SIN3B: variants seen among roughly 807,000 people sequenced by gnomAD.
SIN3B encodes the protein SIN3 transcription regulator family member B.
Under a neutral mutation model 120.2 loss-of-function variants are expected in SIN3B, and 19 were observed. The ratio of observed to expected loss-of-function variants is 0.16; its 90% CI spans 0.11 to 0.23. The LOEUF (loss-of-function observed/expected upper bound fraction) is 0.23, where lower values mean the gene tolerates loss of function less well. SIN3B is among the 10% of genes least tolerant of loss of function. The pLI, the probability that SIN3B is intolerant of heterozygous loss-of-function variation, is 1.00. For missense variants in SIN3B, 1,073 were observed against 1,573.0 expected (o/e 0.68, Z 5.38); for synonymous variants, 654 against 653.2 (o/e 1.00, Z -0.02).
intron 8 of SIN3B, among the ~76,000 whole-genome samples, chr19:16,860,227 G>A (rs914089852): frequency 4.5e-4 from 68 of 152,332 alleles, no homozygotes; most frequent in African/African-American, 1.5e-3. Context: ...GCGTTCCTCC[G>A]CGTGTTCAAC....
rs2051637882 is a variant in SIN3B at position 16,878,252 on chromosome 19, C to T, written c.3024C>T (p.Ser1008=). The T allele has an allele frequency of 2.5e-6, 4 of 1,600,716 alleles. No individual in the cohort carries two copies. The highest frequency in any genetic ancestry group is 3.4e-6 in the Non-Finnish European group (4 of 1,173,972). The stretch of plus-strand genomic sequence containing the variant: ...GGGCCCTGCGCGGTGAGGCCAGGAG[C>T]TCCTGGAAGCGGCTGGTGGGCGTGG... ...QARALRGEAR[S]SWKRLVGVES... Residue 1008 remains serine, a synonymous_variant, in exon 18 of 19, where the codon AGC becomes AGT. Transcript: ENST00000248054.
chr19:16,862,613 C>T lies in SIN3B; in HGVS notation c.1266+54C>T. 6.8e-7 allele frequency: 1 copy of T among 1,461,890 alleles called. No homozygotes were observed. Among genetic ancestry groups the T allele is most frequent in the Admixed American group, 1.8e-5 (1 of 56,692 alleles). The allele number at this position is 1,461,890 out of a possible 1,614,324, so 90.6% of individuals were successfully genotyped here. ...TTGACATGGTGCATCCCCCACCCCT[C>T]CCCAGCAAACACCCGATACCCCCGT... On this transcript the variant is annotated intron_variant, in intron 9 of 18. Coordinates refer to ENST00000248054, the MANE Select transcript of SIN3B (RefSeq NM_001297595.2). This position sits in a 1 kb window ranked among gnomAD's most constrained non-coding sequence, Gnocchi z 4.7.
chr19:16,877,247 G>A (rs746696258), intron 16 of SIN3B: 7 of 421,384 alleles, frequency 1.7e-5, no homozygotes, highest in African/African-American at 8.1e-5. Flanking sequence ...TGGGCCGGGC[G>A]GTGCTCCTGC....
Position 16,878,328 on chromosome 19 carries a change from G to A in SIN3B, c.3100G>A (p.Val1034Met). 1 of 1,612,474 alleles carries A rather than the reference G, an allele frequency of 6.2e-7. No homozygotes were observed. The highest frequency in any genetic ancestry group is 1.1e-5 in the South Asian group (1 of 90,882). ...CTTCAAGCTCAGCACTCACAAGATG[G>A]TGTTCATCGTGAACTCCGAGGACTA... ...CRFKLSTHKM[V>M]FIVNSEDYMY... Residue 1034 changes from valine to methionine, a missense_variant, in exon 18 of 19, where the codon GTG becomes ATG. This residue lies in a region of SIN3B where 311 missense variants were observed against 400.3 expected (regional missense o/e 0.78). Coordinates refer to ENST00000248054, the MANE Select transcript of SIN3B (RefSeq NM_001297595.2).
At chr19:16,856,569 G>A (rs977035690) in intron 8 of SIN3B, among the ~76,000 whole-genome samples, 3 of 151,800 alleles carry the variant, frequency 2.0e-5, no homozygotes, top group South Asian at 4.2e-4. Flanking sequence ...AAAAATACAC[G>A]TGAAGATTTT....
chr19:16,879,415 T>C lies in SIN3B; in HGVS notation c.*688T>C, dbSNP rs2051663051. On this transcript the variant is annotated 3_prime_UTR_variant, in exon 19 of 19. Coordinates refer to ENST00000248054, the MANE Select transcript of SIN3B (RefSeq NM_001297595.2). ...CCAACCCCAACTCCAGCAGCTGGAC[T>C]CTGGGCCCACAAGGGGAGGGACCCC... 1 of 152,300 alleles carries C rather than the reference T, an allele frequency of 6.6e-6. No individual in the cohort carries two copies. The highest frequency in any genetic ancestry group is 1.5e-5 in the Non-Finnish European group (1 of 68,186). The allele number at this position is 152,300 out of a possible 1,614,324, so 9.4% of individuals were successfully genotyped here.
chr19:16,877,487 A>G, intron 16 of SIN3B, 58 bp from the exon 17 acceptor site: 3 of 1,288,454 alleles, frequency 2.3e-6, no homozygotes, highest in Non-Finnish European at 3.3e-6. Context: ...GTCCAGAGTA[A>G]GAGTGGCCAT....
chr19:16,860,173 T>C (rs1274041308), intron 8 of SIN3B, among the ~76,000 whole-genome samples: 1 of 152,186 alleles, frequency 6.6e-6, no homozygotes, highest in African/African-American at 2.4e-5. Flanking sequence ...CTGCGTGTGC[T>C]TGACACGAGG....
At chr19:16,851,327 G>C in intron 5 of SIN3B, 85 bp from the exon 6 acceptor site, 1 of 1,459,556 alleles carries the variant, frequency 6.9e-7, no homozygotes, top group Non-Finnish European at 9.1e-7. Flanking sequence ...CGGGCTGTGG[G>C]CTGAGCTGGA....
At chr19:16,853,201 A>G (rs762165622) in intron 7 of SIN3B, 43 bp downstream of exon 7, 16 of 1,583,896 alleles carry the variant, frequency 1.0e-5, no homozygotes, top group African/African-American at 2.7e-5. Context: ...TGCCATGTCC[A>G]GCTGGCTGGG....
intron 8 of SIN3B, among the ~76,000 whole-genome samples, chr19:16,859,648 T>C (rs532298166): frequency 6.6e-6 from 1 of 152,254 alleles, no homozygotes; most frequent in South Asian, 2.1e-4. Context: ...CAGAGCAGGA[T>C]GGTGTTACTC....
At chr19:16,841,663 G>T in intron 3 of SIN3B, 105 bp from the exon 4 acceptor site, 1 of 1,083,984 alleles carries the variant, frequency 9.2e-7, no homozygotes, top group Non-Finnish European at 1.4e-6. Context: ...GCTTGGCTCC[G>T]TGCTGAGTTT....
chr19:16,864,243 G>A (rs962265491), intron 10 of SIN3B, among the ~76,000 whole-genome samples: 2 of 151,760 alleles, frequency 1.3e-5, no homozygotes, highest in South Asian at 2.1e-4. Context: ...GCAGTGAGCC[G>A]AGATCACACC....
At position 16,865,399 on chromosome 19, in the gene SIN3B, C is replaced by T; in HGVS notation, c.1384-11C>T. On this transcript the variant is annotated splice_polypyrimidine_tract_variant and intron_variant, in intron 10 of 18. Coordinates refer to ENST00000248054, the MANE Select transcript of SIN3B (RefSeq NM_001297595.2). The stretch of plus-strand genomic sequence containing the variant: ...CCAGTGGCTGACCCCGTCCTGCCTT[C>T]CTTTCCATAGTTAGACGTTGTCCTG... The T allele has an allele frequency of 6.4e-7, 1 of 1,573,300 alleles. No homozygotes were observed. The highest frequency in any genetic ancestry group is 2.3e-5 in the East Asian group (1 of 43,036).
intron 3 of SIN3B, among the ~76,000 whole-genome samples, chr19:16,841,221 G>A (rs536050115): frequency 2.6e-5 from 4 of 152,224 alleles, no homozygotes; most frequent in Admixed American, 6.5e-5. Context: ...CCAAGCGACC[G>A]ATGCACCTTA....
rs758231618 is a variant in SIN3B at position 16,871,353 on chromosome 19, C to T, written c.2547C>T (p.Tyr849=). The change falls in exon 14 of 19, where the codon TAC becomes TAT. Residue 849 remains tyrosine (Y), a synonymous_variant. Transcript: ENST00000248054. ...GCGAGATGTTCACCATCCATGCCTA[C>T]GTGGGCTTCACCATGGACAAGCTGG... ...TLREMFTIHA[Y]VGFTMDKLVQ... is the part of the protein sequence containing the mutation. The T allele has an allele frequency of 3.2e-5, 52 of 1,613,550 alleles. No homozygotes were observed. The highest frequency in any genetic ancestry group is 1.8e-4 in the East Asian group (8 of 44,890).
rs2051650430 is a variant in SIN3B at position 16,878,798 on chromosome 19, G to A, written c.*71G>A. ...TGCCCTCGGCCTTGGTCGTGTCGGG[G>A]CCGTTTTCTTGAACGACGTGAGAGG... On this transcript the variant is annotated 3_prime_UTR_variant, in exon 19 of 19. Transcript: ENST00000248054. 1 of 1,378,458 alleles carries A rather than the reference G, an allele frequency of 7.3e-7. No homozygotes were observed. The highest frequency in any genetic ancestry group is 9.8e-7 in the Non-Finnish European group (1 of 1,019,600). 85.4% of individuals were successfully genotyped at this position (1,378,458 alleles called of 1,614,324 possible).
chr19:16,869,293 G>C (rs748627028), intron 12 of SIN3B, among the ~76,000 whole-genome samples, 167 bp from the exon 13 acceptor site: 1 of 152,164 alleles, frequency 6.6e-6, no homozygotes, highest in African/African-American at 2.4e-5. Context: ...TGAGGCAAGC[G>C]ACCTACCCCC....
intron 9 of SIN3B, chr19:16,863,149 T>G (rs771627004): frequency 7.4e-5 from 44 of 597,924 alleles, no homozygotes; most frequent in Non-Finnish European, 1.0e-4. Context: ...CTGAGATGGT[T>G]GCTGTCTGAC....
Sources: gnomAD v4.1 joint callset for allele counts (sites outside exome capture counted in the v4.1 genomes callset) on GRCh38, gnomAD v4.1.1 for gene constraint, gnomAD v4.1.1 regional missense constraint, Gnocchi (gnomAD v3.1) non-coding constraint, MANE v1.5 for transcripts, NCBI Gene and HGNC (gene_info 2026-07-23, HGNC 2026-07-21) for gene names.